Variants in GOT1L1 observed in about 807,000 individuals in gnomAD.
GOT1L1 encodes aspartate aminotransferase, cytoplasmic 2.
Under a neutral mutation model 43.6 loss-of-function variants are expected in GOT1L1, and 38 were observed. That is an observed-to-expected ratio of 0.87 (90% CI 0.67 to 1.14). The LOEUF (loss-of-function observed/expected upper bound fraction) is 1.14, where lower values mean the gene tolerates loss of function less well. Among genes scored for constraint, GOT1L1 ranks in the 50% most tolerant of loss-of-function variants. GOT1L1 has a pLI of 0.00. For missense variants in GOT1L1, 482 were observed against 504.0 expected, an observed-to-expected ratio of 0.96 and a Z score of 0.42; for synonymous variants, 183 against 187.2, an observed-to-expected ratio of 0.98 and a Z score of 0.18.
Position 37,937,161 on chromosome 8 carries a change from G to A in GOT1L1, c.520-104C>T, listed in dbSNP as rs547125732. 12 of 1,290,772 alleles carry A rather than the reference G, an allele frequency of 9.3e-6. No individual in the cohort carries two copies. In the Admixed American group the frequency reaches 1.3e-4, roughly 14 times the overall value. The allele number at this position is 1,290,772 out of a possible 1,614,324, so 80.0% of individuals were successfully genotyped here. ...CCTCCATGTTAGTTACCATTGAAGGGCCAGGCAAATTCAAACCTGGAAAAG... is the reference window on the plus strand; with the variant it reads ...CCTCCATGTTAGTTACCATTGAAGGACCAGGCAAATTCAAACCTGGAAAAG... On this transcript the variant is annotated intron_variant, in intron 4 of 8. Transcript: ENST00000307599.
Position 37,936,762 on chromosome 8 carries a change from A to G in GOT1L1, c.721T>C (p.Phe241Leu), listed in dbSNP as rs747288343. The part of the protein sequence containing the change: ...LQYFVSQGFE[F>L]FCSQSLSKNF... ...TTGGACAGAGACTGGCTGCAGAAGA[A>G]CTCAAAGCCTTGAGACACAAAGTAT... Residue 241 changes from phenylalanine (F) to leucine (L), a missense_variant, in exon 6 of 9, where the codon TTC (phenylalanine) becomes CTC (leucine). Transcript: ENST00000307599. 1 of 1,612,730 alleles carries G rather than the reference A, an allele frequency of 6.2e-7. No individual in the cohort carries two copies. The highest frequency in any genetic ancestry group is 8.5e-7 in the Non-Finnish European group (1 of 1,178,932).
intron 1 of GOT1L1, 185 bp from the exon 2 acceptor site, chr8:37,939,066 A>G (rs1033812186): frequency 1.8e-6 from 1 of 553,658 alleles, no homozygotes; most frequent in Non-Finnish European, 3.2e-6. Flanking sequence ...GTGAATGTGT[A>G]TTATTTTTGT....
At chr8:37,937,876 A>G (rs1401855239) in intron 2 of GOT1L1, 127 bp from the exon 3 acceptor site, 2 of 629,120 alleles carry the variant, frequency 3.2e-6, no homozygotes, top group East Asian at 5.7e-5. Flanking sequence ...CCCCGTATCT[A>G]CTAAAAATAC....
Position 37,935,818 on chromosome 8 carries a change from A to G in GOT1L1, c.815T>C (p.Leu272Pro). ...VVVAVNNQQL[L>P]CVLSQLEGLA... Reference sequence around the variant, plus strand: ...TCCTTCCAGCTGGGAGAGGACACACAGCAGCTGCTGGTTGTTGACTGCCAC... The same window carrying G: ...TCCTTCCAGCTGGGAGAGGACACACGGCAGCTGCTGGTTGTTGACTGCCAC... The change falls in exon 7 of 9, where the codon CTG becomes CCG. Residue 272 changes from leucine (L) to proline (P), a missense_variant. Leu to Pro is a moderately conservative substitution (Grantham distance 98). Coordinates refer to ENST00000307599, the MANE Select transcript of GOT1L1 (RefSeq NM_152413.3). The G allele has an allele frequency of 1.2e-6, 2 of 1,613,038 alleles. No homozygotes were observed. The highest frequency in any genetic ancestry group is 1.7e-6 in the Non-Finnish European group (2 of 1,179,462).
intron 1 of GOT1L1, 115 bp from the exon 2 acceptor site, chr8:37,938,996 T>G (rs1168715478): frequency 3.5e-6 from 3 of 866,064 alleles, no homozygotes; most frequent in Non-Finnish European, 3.7e-6. Flanking sequence ...TGTGGGAAGG[T>G]GCCTGTGAAA....
chr8:37,937,954 T>A (rs542685110), intron 2 of GOT1L1, among the ~76,000 whole-genome samples: 13 of 152,154 alleles, frequency 8.5e-5, no homozygotes, highest in African/African-American at 2.6e-4. Flanking sequence ...GGCAGGAGAA[T>A]CACTTGAACC....
chr8:37,936,740 G>C lies in GOT1L1; in HGVS notation c.743C>G (p.Ser248Cys). The C allele has an allele frequency of 6.2e-7, 1 of 1,612,228 alleles. No homozygotes were observed. Among genetic ancestry groups the C allele is most frequent in the South Asian group, 1.1e-5 (1 of 91,006 alleles). ...GFEFFCSQSL[S>C]KNFGIYDEGV... ...CATACCATAAATGCCAAAATTCTTG[G>C]ACAGAGACTGGCTGCAGAAGAACTC... is the stretch of plus-strand genomic sequence containing the variant. The change falls in exon 6 of 9, where the codon TCC (serine) becomes TGC (cysteine). Residue 248 changes from serine to cysteine, a missense_variant. Ser to Cys is a moderately radical substitution (Grantham distance 112). Coordinates refer to ENST00000307599, the MANE Select transcript of GOT1L1 (RefSeq NM_152413.3).
chr8:37,936,450 C>A (rs1038390071), intron 6 of GOT1L1, among the ~76,000 whole-genome samples: 1 of 151,996 alleles, frequency 6.6e-6, no homozygotes, highest in Non-Finnish European at 1.5e-5. Context: ...ACAGGTGTCA[C>A]CCACCATGCC....
At position 37,937,299 on chromosome 8, in the gene GOT1L1, T is replaced by C. The variant is rs761857388; in HGVS notation, c.497A>G (p.Asp166Gly). 3.7e-6 allele frequency: 6 copies of C among 1,606,364 alleles called. No homozygotes were observed. Among genetic ancestry groups the C allele is most frequent in the Admixed American group, 1.7e-5 (1 of 58,574 alleles). ...WDPKKLCMDP[D>G]ILLNVVEQIP... Reference sequence around the variant, plus strand: ...TACCTCCACCACATTGAGGAGTATGTCGGGGTCCATGCATAGCTTCTTGGG... The same window carrying C: ...TACCTCCACCACATTGAGGAGTATGCCGGGGTCCATGCATAGCTTCTTGGG... Residue 166 changes from aspartate to glycine, a missense_variant, in exon 4 of 9, where the codon GAC (aspartate) becomes GGC (glycine). Physicochemically the swap from Asp to Gly is moderately conservative, Grantham distance 94. Transcript: ENST00000307599.
intron 6 of GOT1L1, 46 bp downstream of exon 6, chr8:37,936,674 G>A: frequency 6.4e-7 from 1 of 1,551,782 alleles, no homozygotes. Context: ...TGTGAGCGCA[G>A]CACCACTTCA....
At chr8:37,934,616 G>C in intron 8 of GOT1L1, 130 bp from the exon 9 acceptor site, 1 of 738,586 alleles carries the variant, frequency 1.4e-6, no homozygotes. Context: ...TGTTGCCCAG[G>C]CTGGAGTTCA....
chr8:37,935,336 G>C (rs1448843838), intron 7 of GOT1L1, 121 bp from the exon 8 acceptor site: 1 of 1,013,146 alleles, frequency 9.9e-7, no homozygotes, highest in African/African-American at 1.6e-5. Context: ...GAGGCTCTGG[G>C]ATGATTATGA....
chr8:37,935,308 G>T, intron 7 of GOT1L1, 93 bp from the exon 8 acceptor site: 2 of 1,243,778 alleles, frequency 1.6e-6, no homozygotes, highest in Non-Finnish European at 2.2e-6. Context: ...ACCTTCAAAG[G>T]TCTCCAACAG....
In GOT1L1 at chr8:37,936,957, G is replaced by A. The variant is rs773722112; in HGVS notation, c.612+8C>T. 3.7e-6 allele frequency: 6 copies of A among 1,613,228 alleles called. No individual in the cohort carries two copies. Among genetic ancestry groups the A allele is most frequent in the Admixed American group, 1.7e-5 (1 of 60,000 alleles). On this transcript the variant is annotated splice_region_variant and intron_variant, in intron 5 of 8. Transcript: ENST00000307599. ...AGACAGGAAGGTCGGGTGGGAGATT[G>A]GGTTTACCTTTATCATGGACATCAA...
chr8:37,938,888 G>A lies in GOT1L1; in HGVS notation c.116-7C>T, dbSNP rs1267054536. On this transcript the variant is annotated splice_region_variant and splice_polypyrimidine_tract_variant and intron_variant, in intron 1 of 8. Coordinates refer to ENST00000307599, the MANE Select transcript of GOT1L1 (RefSeq NM_152413.3). ...CCTTCATTTGTCATGCAGACTGTGA[G>A]GAAAACCACAGAGGGAGCTCCAGAT... 6.2e-7 allele frequency: 1 copy of A among 1,613,158 alleles called. No individual in the cohort carries two copies. Among genetic ancestry groups the A allele is most frequent in the South Asian group, 1.1e-5 (1 of 90,918 alleles).
intron 1 of GOT1L1, among the ~76,000 whole-genome samples, chr8:37,939,431 A>AAAAAAAATATAT (rs1237987679): frequency 2.6e-4 from 11 of 41,704 alleles, no homozygotes; most frequent in East Asian, 8.7e-4. Context: ...AAAAAAAAAA[A>AAAAAAAATATAT]ATATATATAT....
chr8:37,935,162 A>G lies in GOT1L1; in HGVS notation c.983T>C (p.Val328Ala), dbSNP rs1807711172. 6.2e-7 allele frequency: 1 copy of G among 1,611,348 alleles called. No homozygotes were observed. Among genetic ancestry groups the G allele is most frequent in the East Asian group, 2.2e-5 (1 of 44,822 alleles). ...TCCCAGGAGCTGGAGTTTCTCCTTC[A>G]CTTTTTCCTTGGTTAGCATGATGTT... ...VENIMLTKEK[V>A]KEKLQLLGTP... The change falls in exon 8 of 9, where the codon GTG becomes GCG. Residue 328 changes from valine (V) to alanine (A), a missense_variant. By Grantham distance (64) the Val-to-Ala change is moderately conservative. Transcript: ENST00000307599.
chr8:37,936,685 G>T, intron 6 of GOT1L1, 35 bp downstream of exon 6: 3 of 1,579,504 alleles, frequency 1.9e-6, no homozygotes, highest in Non-Finnish European at 1.7e-6. Flanking sequence ...CACCACTTCA[G>T]CAACAGACCC....
Position 37,937,763 on chromosome 8 carries a change from A to G in GOT1L1, c.298-14T>C. ...TACACCCCCTACCTGCCAGCAAGACATAGACACAAATAGGCCAGGTGTGGT... is the reference window on the plus strand; with the variant it reads ...TACACCCCCTACCTGCCAGCAAGACGTAGACACAAATAGGCCAGGTGTGGT... On this transcript the variant is annotated splice_polypyrimidine_tract_variant and intron_variant, in intron 2 of 8. Coordinates refer to ENST00000307599, the MANE Select transcript of GOT1L1 (RefSeq NM_152413.3). 6.4e-7 allele frequency: 1 copy of G among 1,565,356 alleles called. No individual in the cohort carries two copies. The highest frequency in any genetic ancestry group is 8.8e-7 in the Non-Finnish European group (1 of 1,140,212).
Sources: gnomAD v4.1 joint callset for allele counts (sites outside exome capture counted in the v4.1 genomes callset) on GRCh38, gnomAD v4.1.1 for gene constraint, MANE v1.5 for transcripts, NCBI Gene and HGNC (gene_info 2026-07-23, HGNC 2026-07-21) for gene names.